The following NAPB variants were observed in gnomAD, a reference collection of about 807,000 sequenced individuals.
The protein encoded by NAPB is NSF attachment protein beta, also known as beta-soluble NSF attachment protein.
Under a neutral mutation model 44.7 loss-of-function variants are expected in NAPB, and 26 were observed. That is an observed-to-expected ratio of 0.58 (90% CI 0.43 to 0.81). The LOEUF is 0.81. NAPB is among the 30% of genes least tolerant of loss of function. The probability of loss-of-function intolerance (pLI) is 0.00; values close to 1 mark genes in which losing one functional copy is unlikely to be tolerated. For missense variants in NAPB, 315 were observed against 356.4 expected (o/e 0.88, Z 0.94); for synonymous variants, 120 against 116.8 (o/e 1.03, Z -0.18).
chr20:23,400,753 A>G (rs779721755), intron 2 of NAPB, among the ~76,000 whole-genome samples: 13 of 152,314 alleles, frequency 8.5e-5, no homozygotes, highest in Middle Eastern at 3.4e-3. Flanking sequence ...CAACATGGAT[A>G]GAACTTCAAG....
chr20:23,386,244 T>C (rs941663379), intron 7 of NAPB, among the ~76,000 whole-genome samples: 10 of 152,032 alleles, frequency 6.6e-5, no homozygotes. Flanking sequence ...AACTTCCATG[T>C]CAAGCACCCA....
intron 1 of NAPB, among the ~76,000 whole-genome samples, chr20:23,408,390 CT>C (rs1985410131): frequency 6.6e-6 from 1 of 152,240 alleles, no homozygotes; most frequent in Non-Finnish European, 1.5e-5. Context: ...ATGGAACAAA[CT>C]GTCCACATTC....
intron 1 of NAPB, among the ~76,000 whole-genome samples, chr20:23,417,028 C>T (rs1349100468): frequency 6.6e-6 from 1 of 151,808 alleles, no homozygotes; most frequent in Non-Finnish European, 1.5e-5. Context: ...AGACTAAACA[C>T]TGAAAGGCAA....
intron 1 of NAPB, among the ~76,000 whole-genome samples, chr20:23,404,892 T>C (rs190101980): frequency 2.5e-4 from 38 of 152,256 alleles, no homozygotes; most frequent in African/African-American, 7.2e-4. Flanking sequence ...AGAAACCTTA[T>C]ATATGTGGAG....
At chr20:23,419,313 G>A (rs1986226313) in intron 1 of NAPB, among the ~76,000 whole-genome samples, 1 of 151,996 alleles carries the variant, frequency 6.6e-6, no homozygotes, top group African/African-American at 2.4e-5. Context: ...GTGAAGATTC[G>A]TCTTCTTATA....
chr20:23,396,506 C>T (rs1305231824), intron 3 of NAPB, among the ~76,000 whole-genome samples: 1 of 152,228 alleles, frequency 6.6e-6, no homozygotes, highest in Non-Finnish European at 1.5e-5. Flanking sequence ...TTTAATTACA[C>T]TCTTCTAACT....
intron 1 of NAPB, among the ~76,000 whole-genome samples, chr20:23,420,993 C>T (rs917468441): frequency 6.7e-6 from 1 of 150,208 alleles, no homozygotes; most frequent in African/African-American, 2.5e-5. Context: ...TTCTGCCGGC[C>T]CTAGGGGGTC....
chr20:23,396,153 A>G (rs1984346082), intron 3 of NAPB, among the ~76,000 whole-genome samples: 2 of 152,216 alleles, frequency 1.3e-5, no homozygotes, highest in Non-Finnish European at 2.9e-5. Context: ...ATTATACAAC[A>G]TTCAGTCTCA....
intron 1 of NAPB, among the ~76,000 whole-genome samples, chr20:23,418,862 G>A (rs1350477595): frequency 6.6e-6 from 1 of 151,914 alleles, no homozygotes; most frequent in African/African-American, 2.4e-5. Context: ...CAGGAGAATC[G>A]CTTGAACCTG....
intron 1 of NAPB, among the ~76,000 whole-genome samples, chr20:23,411,082 C>T (rs1363624455): frequency 6.6e-6 from 1 of 152,064 alleles, no homozygotes; most frequent in African/African-American, 2.4e-5. Context: ...AAAAGTAATA[C>T]AGGATGGGCA....
chr20:23,383,847 C>G (rs954074461), intron 7 of NAPB, among the ~76,000 whole-genome samples: 1 of 152,160 alleles, frequency 6.6e-6, no homozygotes, highest in East Asian at 1.9e-4. Flanking sequence ...AACATTGACT[C>G]ATGTGGTTCT....
intron 8 of NAPB, chr20:23,380,988 T>TA: frequency 2.2e-6 from 1 of 456,712 alleles, no homozygotes. Flanking sequence ...AGATTGGGTG[T>TA]GTTCAGGGTG....
intron 5 of NAPB, among the ~76,000 whole-genome samples, chr20:23,391,643 T>C (rs1404118742): frequency 6.6e-6 from 1 of 152,242 alleles, no homozygotes; most frequent in East Asian, 1.9e-4. Flanking sequence ...CTCAGCTCTC[T>C]TGTGGTAGCA....
intron 9 of NAPB, 144 bp downstream of exon 9, chr20:23,379,723 C>G (rs1278598753): frequency 8.6e-6 from 6 of 694,044 alleles, no homozygotes; most frequent in Non-Finnish European, 1.5e-5. Flanking sequence ...ATTTGAACAC[C>G]TATAATACGA....
At chr20:23,399,544 A>C (rs552210620) in intron 2 of NAPB, among the ~76,000 whole-genome samples, 1 of 152,326 alleles carries the variant, frequency 6.6e-6, no homozygotes, top group South Asian at 2.1e-4. Context: ...AATTACACTA[A>C]GGTATTTTGT....
intron 2 of NAPB, among the ~76,000 whole-genome samples, chr20:23,399,847 G>A (rs1984695273): frequency 6.6e-6 from 1 of 152,236 alleles, no homozygotes; most frequent in African/African-American, 2.4e-5. Flanking sequence ...AAAGTGCTTA[G>A]AAGGGCCTGA....
At chr20:23,383,073 T>C (rs1983157189) in intron 7 of NAPB, among the ~76,000 whole-genome samples, 1 of 148,494 alleles carries the variant, frequency 6.7e-6, no homozygotes, top group South Asian at 2.1e-4. Flanking sequence ...GAGAATTGCT[T>C]GAACCTGGGA....
rs201698004 is a variant in NAPB, at chr20:23,381,101, A to G, written c.666+112T>C. 10 of 740,616 alleles carry G rather than the reference A, an allele frequency of 1.4e-5. No homozygotes were observed. The East Asian group carries it at 2.3e-4, about 17-fold the overall frequency. The allele number at this position is 740,616 out of a possible 1,614,324, so 45.9% of individuals were successfully genotyped here. On this transcript the variant is annotated intron_variant, in intron 8 of 10. Coordinates refer to ENST00000377026, the MANE Select transcript of NAPB (RefSeq NM_022080.3). Reference sequence around the variant, plus strand: ...ACAGAATAATACTTATTTTTAATGTACCCGTTTATTCTTGGTACTAACATC... The same window carrying G: ...ACAGAATAATACTTATTTTTAATGTGCCCGTTTATTCTTGGTACTAACATC...
intron 7 of NAPB, among the ~76,000 whole-genome samples, chr20:23,383,938 A>G (rs1465234008): frequency 1.3e-5 from 2 of 152,224 alleles, no homozygotes; most frequent in African/African-American, 4.8e-5. Context: ...TAAGATTTCT[A>G]TATTTCACCA....
Sources: gnomAD v4.1 joint callset for allele counts (sites outside exome capture counted in the v4.1 genomes callset) on GRCh38, gnomAD v4.1.1 for gene constraint, MANE v1.5 for transcripts, NCBI Gene and HGNC (gene_info 2026-07-23, HGNC 2026-07-21) for gene names.